The following PCDHA5 variants were observed in gnomAD, a reference collection of about 807,000 sequenced individuals.
PCDHA5 encodes protocadherin alpha 5.
In PCDHA5, 43 loss-of-function variants were observed where a neutral mutation model predicts 61.6. The observed-to-expected ratio is 0.70, with a 90% CI of 0.55 to 0.90. The LOEUF is 0.90. Among genes scored for constraint, PCDHA5 ranks in the 40% least tolerant of loss-of-function variants. PCDHA5 has a pLI of 0.00. For missense variants in PCDHA5, 1,298 were observed against 1,222.7 expected (o/e 1.06, Z -0.92); for synonymous variants, 627 against 543.9 (o/e 1.15, Z -2.13).
rs1460408085 is a variant in PCDHA5, at chr5:140,900,316, C to T, written c.2352+76189C>T. On this transcript the variant is annotated intron_variant, in intron 1 of 3. Coordinates refer to ENST00000529859, the MANE Select transcript of PCDHA5 (RefSeq NM_018908.3). ...TTTTTTTAGACAGTCTCACTTTTGT[C>T]GCCCAGGCTGGAGTACCGTGGCGCA... Among the ~76,000 whole-genome samples the T allele has an allele frequency of 1.2e-4, 18 of 152,172 alleles. No individual in the cohort carries two copies. The East Asian group carries it at 2.7e-3, about 23-fold the overall frequency.
intron 1 of PCDHA5, chr5:140,857,553 C>A: frequency 1.3e-6 from 2 of 1,597,008 alleles, no homozygotes; most frequent in Non-Finnish European, 1.7e-6. Flanking sequence ...GGCGAGCGCT[C>A]GCTGTCGAGC....
intron 1 of PCDHA5, chr5:140,871,461 A>C: frequency 1.2e-6 from 2 of 1,605,278 alleles, no homozygotes; most frequent in South Asian, 2.2e-5. Flanking sequence ...AGGAAGGGGA[A>C]AGACAGGAGC....
chr5:140,857,133 C>T, intron 1 of PCDHA5: 3 of 1,598,212 alleles, frequency 1.9e-6, no homozygotes, highest in South Asian at 1.1e-5. Flanking sequence ...AAAGAAGATG[C>T]TCAAGTGGGC....
chr5:140,968,768 C>T, intron 1 of PCDHA5: 1 of 1,614,174 alleles, frequency 6.2e-7, no homozygotes, highest in South Asian at 1.1e-5. Flanking sequence ...TAATGGAGAG[C>T]CATCACTATC....
At chr5:140,873,113 C>T (rs2054104761) in intron 1 of PCDHA5, among the ~76,000 whole-genome samples, 1 of 152,114 alleles carries the variant, frequency 6.6e-6, no homozygotes, top group Admixed American at 6.5e-5. Flanking sequence ...TACCATTTGG[C>T]ACAATATTCA....
intron 1 of PCDHA5, chr5:140,870,788 C>A (rs782319322): frequency 3.7e-6 from 6 of 1,613,636 alleles, no homozygotes; most frequent in Non-Finnish European, 5.1e-6. Context: ...GACAACGCGC[C>A]GGCACTGCTG....
chr5:141,004,351 G>T (rs547017222), intron 3 of PCDHA5, among the ~76,000 whole-genome samples: 1 of 152,332 alleles, frequency 6.6e-6, no homozygotes, highest in African/African-American at 2.4e-5. Flanking sequence ...TGAGGGACTG[G>T]AGAGACCACA....
intron 1 of PCDHA5, chr5:140,869,196 C>G (rs2050913789): frequency 6.2e-7 from 1 of 1,614,030 alleles, no homozygotes; most frequent in Non-Finnish European, 8.5e-7. Flanking sequence ...GCGGCCAGCT[C>G]CACTACTCCG....
At chr5:140,954,476 G>C (rs1467215585) in intron 1 of PCDHA5, among the ~76,000 whole-genome samples, 1 of 152,192 alleles carries the variant, frequency 6.6e-6, no homozygotes, top group Non-Finnish European at 1.5e-5. Context: ...ACTGGTGTGA[G>C]AAGATATTTC....
intron 3 of PCDHA5, among the ~76,000 whole-genome samples, chr5:140,993,652 T>C (rs1174007185): frequency 6.6e-6 from 1 of 152,172 alleles, no homozygotes; most frequent in Admixed American, 6.5e-5. Flanking sequence ...AATGACACTT[T>C]GGTTAACAAT....
rs149174279 is a variant in PCDHA5, at chr5:140,843,203, A to G, written c.2352+19076A>G. 525 of 1,595,940 alleles carry G rather than the reference A, an allele frequency of 3.3e-4. 48 individuals carry two copies. Among genetic ancestry groups the G allele is most frequent in the Non-Finnish European group, 7.1e-5 (83 of 1,165,544 alleles). ...CATCCCGTTCCGCGTGGGGCTGTAC[A>G]CGGGCGAGATCAGCACCACTCGTGT... is the stretch of plus-strand genomic sequence containing the variant. On this transcript the variant is annotated intron_variant, in intron 1 of 3. Coordinates refer to ENST00000529859, the MANE Select transcript of PCDHA5 (RefSeq NM_018908.3).
intron 1 of PCDHA5, chr5:140,882,401 G>A (rs899488409): frequency 4.0e-5 from 65 of 1,614,046 alleles, no homozygotes; most frequent in Non-Finnish European, 5.3e-5. Context: ...CGGCACCTTC[G>A]TGGGCCGCAT....
intron 1 of PCDHA5, among the ~76,000 whole-genome samples, chr5:140,957,961 G>C (rs1188264296): frequency 6.6e-6 from 1 of 152,048 alleles, no homozygotes; most frequent in Non-Finnish European, 1.5e-5. Flanking sequence ...TATTAATTCA[G>C]AGATGCTGTA....
At chr5:140,960,455 T>A (rs1585839337) in intron 1 of PCDHA5, among the ~76,000 whole-genome samples, 3 of 152,274 alleles carry the variant, frequency 2.0e-5, no homozygotes, top group African/African-American at 7.2e-5. Flanking sequence ...ATGGATAATT[T>A]TGAGAAGTAA....
chr5:140,899,936 T>G (rs1443562291), intron 1 of PCDHA5, among the ~76,000 whole-genome samples: 1 of 152,064 alleles, frequency 6.6e-6, no homozygotes, highest in Non-Finnish European at 1.5e-5. Flanking sequence ...GCCTCCTGAA[T>G]AGCTGGGACC....
In PCDHA5 at chr5:140,821,809, C is replaced by T; in HGVS notation, c.34C>T (p.Arg12Trp). The change falls in exon 1 of 4, where the codon CGG becomes TGG. Residue 12 changes from arginine (R) to tryptophan (W), a missense_variant. Arg to Trp is a moderately radical substitution (Grantham distance 101, BLOSUM62 -3). Transcript: ENST00000529859. Reference protein sequence around the residue: ...VYSRRGSLGSRLLLLWLLLAY... With the variant: ...VYSRRGSLGSWLLLLWLLLAY... Reference sequence around the variant, plus strand: ...TTCCCGGAGAGGAAGTCTGGGATCCCGGCTCCTGCTGCTCTGGCTTCTCCT... The same window carrying T: ...TTCCCGGAGAGGAAGTCTGGGATCCTGGCTCCTGCTGCTCTGGCTTCTCCT... 3 of 1,613,446 alleles carry T rather than the reference C, an allele frequency of 1.9e-6. No homozygotes were observed. Among genetic ancestry groups the T allele is most frequent in the Admixed American group, 1.7e-5 (1 of 59,970 alleles).
chr5:140,982,623 C>T, intron 3 of PCDHA5, 60 bp downstream of exon 3: 1 of 1,583,652 alleles, frequency 6.3e-7, no homozygotes, highest in South Asian at 1.2e-5. Context: ...AGATGACCTA[C>T]TTTTGTAAGA....
In PCDHA5 at chr5:140,835,890, G is replaced by T. The variant is rs147416989; in HGVS notation, c.2352+11763G>T. Reference sequence around the variant, plus strand: ...GGTGGAGCTGCGGGTGGGCGAGCGCGCGCTGTCGAGCTACGTGTCAGTGCA... The same window carrying T: ...GGTGGAGCTGCGGGTGGGCGAGCGCTCGCTGTCGAGCTACGTGTCAGTGCA... On this transcript the variant is annotated intron_variant, in intron 1 of 3. Coordinates refer to ENST00000529859, the MANE Select transcript of PCDHA5 (RefSeq NM_018908.3). 490 of 1,611,966 alleles carry T rather than the reference G, an allele frequency of 3.0e-4. 3 individuals carry two copies. In the African/African-American group the frequency reaches 5.1e-3, roughly 17 times the overall value.
Position 140,862,133 on chromosome 5 carries a change from T to C in PCDHA5, c.2352+38006T>C, listed in dbSNP as rs188346525. ...GTGGATAAATAAATGTAAAGATAGGTTTTGAGGAAACTAAATAATGAAAGA... is the reference window on the plus strand; with the variant it reads ...GTGGATAAATAAATGTAAAGATAGGCTTTGAGGAAACTAAATAATGAAAGA... On this transcript the variant is annotated intron_variant, in intron 1 of 3. Transcript: ENST00000529859. The C allele has an allele frequency of 2.2e-3, 352 of 163,204 alleles. 2 individuals carry two copies. Among genetic ancestry groups the C allele is most frequent in the South Asian group, 2.0e-3 (12 of 5,916 alleles). The allele number at this position is 163,204 out of a possible 1,614,324, so 10.1% of individuals were successfully genotyped here.
Sources: gnomAD v4.1 joint callset for allele counts (sites outside exome capture counted in the v4.1 genomes callset) on GRCh38, gnomAD v4.1.1 for gene constraint, MANE v1.5 for transcripts, NCBI Gene and HGNC (gene_info 2026-07-23, HGNC 2026-07-21) for gene names.